The following GNA14 variants were observed in gnomAD, a reference collection of about 807,000 sequenced individuals.
The protein encoded by GNA14 is guanine nucleotide-binding protein subunit alpha-14.
GNA14 carries 50 observed loss-of-function variants against 42.0 expected under a neutral mutation model. The observed-to-expected ratio is 1.19, with a 90% CI of 0.95 to 1.51. The LOEUF (loss-of-function observed/expected upper bound fraction) is 1.51. GNA14 is among the 40% of genes most tolerant of loss of function. The probability of loss-of-function intolerance (pLI) is 0.00; values close to 1 mark genes in which losing one functional copy is unlikely to be tolerated. For missense variants in GNA14, 473 were observed against 446.2 expected (o/e 1.06, Z -0.54); for synonymous variants, 173 against 163.1 (o/e 1.06, Z -0.46).
chr9:77,625,299 A>T (rs1359869903), intron 1 of GNA14, among the ~76,000 whole-genome samples: 1 of 152,156 alleles, frequency 6.6e-6, no homozygotes, highest in East Asian at 1.9e-4. Context: ...GACGGGGAGA[A>T]TGGAACCAAA....
At chr9:77,562,677 C>T (rs1393156737) in intron 1 of GNA14, among the ~76,000 whole-genome samples, 1 of 152,164 alleles carries the variant, frequency 6.6e-6, no homozygotes, top group Non-Finnish European at 1.5e-5. Flanking sequence ...AAAATTAATA[C>T]TTGTTTCATA....
intron 5 of GNA14, 127 bp downstream of exon 5, chr9:77,428,780 T>G: frequency 1.1e-6 from 1 of 924,666 alleles, no homozygotes; most frequent in East Asian, 2.5e-5. Context: ...GGTCCACAGG[T>G]CACACTTTGA....
intron 1 of GNA14, among the ~76,000 whole-genome samples, chr9:77,621,999 C>T (rs1279399767): frequency 6.6e-6 from 1 of 152,138 alleles, no homozygotes; most frequent in Non-Finnish European, 1.5e-5. Flanking sequence ...GATCATAGCT[C>T]ACCGCAATCT....
At chr9:77,476,037 T>C (rs1362318615) in intron 2 of GNA14, among the ~76,000 whole-genome samples, 1 of 152,062 alleles carries the variant, frequency 6.6e-6, no homozygotes, top group Non-Finnish European at 1.5e-5. Context: ...TACATGTGAC[T>C]AAGAAATGCA....
intron 1 of GNA14, among the ~76,000 whole-genome samples, chr9:77,531,248 G>A (rs1404067898): frequency 1.3e-5 from 2 of 152,164 alleles, no homozygotes; most frequent in African/African-American, 4.8e-5. Flanking sequence ...GAACAAACAT[G>A]AGAAGTCAGC....
At chr9:77,626,623 T>A (rs1342051387) in intron 1 of GNA14, among the ~76,000 whole-genome samples, 1 of 152,154 alleles carries the variant, frequency 6.6e-6, no homozygotes, top group Non-Finnish European at 1.5e-5. Flanking sequence ...CTGAACAACC[T>A]GCTCCTGAAT....
At chr9:77,442,176 C>T (rs1229468026) in intron 2 of GNA14, among the ~76,000 whole-genome samples, 5 of 152,102 alleles carry the variant, frequency 3.3e-5, no homozygotes, top group South Asian at 2.1e-4. Context: ...GTTCGAGACC[C>T]GACTGACCAA....
rs886091234 is a variant in GNA14 at position 77,423,806 on chromosome 9, G to A, written c.*173C>T. ...GATGTAAGGACTTTTAAAGTATGTT[G>A]GTAAACTCAAATATCTTCCAAGTTC... On this transcript the variant is annotated 3_prime_UTR_variant, in exon 7 of 7. Coordinates refer to ENST00000341700, the MANE Select transcript of GNA14 (RefSeq NM_004297.4). 1 of 396,338 alleles carries A rather than the reference G, an allele frequency of 2.5e-6. No homozygotes were observed. The highest frequency in any genetic ancestry group is 4.5e-6 in the Non-Finnish European group (1 of 220,648). The allele number at this position is 396,338 out of a possible 1,614,324, so 24.6% of individuals were successfully genotyped here.
At chr9:77,501,644 C>T (rs1281992908) in intron 2 of GNA14, among the ~76,000 whole-genome samples, 2 of 150,632 alleles carry the variant, frequency 1.3e-5, no homozygotes, top group Non-Finnish European at 3.0e-5. Context: ...AAGTTTGTAG[C>T]TTGTCTTTCC....
At chr9:77,550,673 CT>C (rs1837776722) in intron 1 of GNA14, among the ~76,000 whole-genome samples, 1 of 152,164 alleles carries the variant, frequency 6.6e-6, no homozygotes, top group Non-Finnish European at 1.5e-5. Flanking sequence ...TTCAAAGCAG[CT>C]GTTAAATCTC....
chr9:77,520,939 G>A lies in GNA14; in HGVS notation c.309+8130C>T, dbSNP rs527778203. On this transcript the variant is annotated intron_variant, in intron 2 of 6. Coordinates refer to ENST00000341700, the MANE Select transcript of GNA14 (RefSeq NM_004297.4). ...GGCTCCCAAACTTCCTCATATCCCA[G>A]TTCAGGCTTAAAGGGTAGTGGGTGT... is the stretch of plus-strand genomic sequence containing the variant. Among the ~76,000 whole-genome samples, 60 of 152,308 alleles carry A rather than the reference G, an allele frequency of 3.9e-4. 1 individual carries two copies. The South Asian group carries it at 0.012, about 31-fold the overall frequency.
chr9:77,445,005 T>A (rs562124886), intron 2 of GNA14, among the ~76,000 whole-genome samples: 1 of 152,102 alleles, frequency 6.6e-6, no homozygotes, highest in South Asian at 2.1e-4. Flanking sequence ...TCCTTTTGAG[T>A]AGGAATGACA....
chr9:77,499,637 G>A (rs1376506243), intron 2 of GNA14, among the ~76,000 whole-genome samples: 1 of 152,070 alleles, frequency 6.6e-6, no homozygotes, highest in African/African-American at 2.4e-5. Context: ...GATCAGCTGA[G>A]GCCAGGAGTT....
At chr9:77,515,960 C>CCAAAAAAAAAAA (rs1837248590) in intron 2 of GNA14, among the ~76,000 whole-genome samples, 3 of 52,736 alleles carry the variant, frequency 5.7e-5, no homozygotes, top group Non-Finnish European at 1.1e-4. Flanking sequence ...CCCTGTCTCA[C>CCAAAAAAAAAAA]AAAAAAAAAA....
At chr9:77,556,223 G>A (rs1003455018) in intron 1 of GNA14, among the ~76,000 whole-genome samples, 11 of 152,250 alleles carry the variant, frequency 7.2e-5, no homozygotes, top group African/African-American at 1.4e-4. Flanking sequence ...CAGTCTGGGC[G>A]ACAATGTGAG....
intron 2 of GNA14, among the ~76,000 whole-genome samples, chr9:77,445,552 GAAAA>G (rs762651584): frequency 8.9e-5 from 5 of 55,958 alleles, no homozygotes; most frequent in Non-Finnish European, 1.2e-4. Flanking sequence ...TCTCTAAGAA[GAAAA>G]AAAAAAAAAA....
chr9:77,556,431 C>T (rs73460078), intron 1 of GNA14, among the ~76,000 whole-genome samples: 6,619 of 152,198 alleles, frequency 0.043, 157 homozygotes, highest in South Asian at 0.052. Flanking sequence ...TTCCTGACCA[C>T]TGAACCTGGA....
chr9:77,443,415 TGCA>T (rs1452292791), intron 2 of GNA14, among the ~76,000 whole-genome samples: 10 of 152,188 alleles, frequency 6.6e-5, no homozygotes, highest in African/African-American at 2.2e-4. Flanking sequence ...CTCCTGCACC[TGCA>T]AGCTCACTGC....
At chr9:77,545,609 A>T (rs149347751) in intron 1 of GNA14, among the ~76,000 whole-genome samples, 1 of 152,282 alleles carries the variant, frequency 6.6e-6, no homozygotes, top group African/African-American at 2.4e-5. Flanking sequence ...TTGGAAACAT[A>T]ACATCAACCA....
Sources: allele counts gnomAD v4.1 joint callset (sites outside exome capture counted in the v4.1 genomes callset), GRCh38; gene constraint gnomAD v4.1.1; transcripts MANE v1.5; gene names NCBI Gene and HGNC (gene_info 2026-07-23, HGNC 2026-07-21).